Variants in SAMD4B observed in about 807,000 individuals in gnomAD.
SAMD4B encodes the protein sterile alpha motif domain containing 4B.
Under a neutral mutation model 74.5 loss-of-function variants are expected in SAMD4B, and 5 were observed. That is an observed-to-expected ratio of 0.07 (90% CI 0.04 to 0.14). The LOEUF (loss-of-function observed/expected upper bound fraction) is 0.14. Among genes scored for constraint, SAMD4B ranks in the 10% least tolerant of loss-of-function variants. The pLI is 1.00. For missense variants in SAMD4B, 608 were observed against 921.8 expected (o/e 0.66, Z 4.41); for synonymous variants, 373 against 374.9 (o/e 1.00, Z 0.06).
intron 2 of SAMD4B, among the ~76,000 whole-genome samples, chr19:39,354,860 G>A (rs1568346819): frequency 6.6e-6 from 1 of 152,076 alleles, no homozygotes; most frequent in Non-Finnish European, 1.5e-5. Flanking sequence ...AAGATGTTTG[G>A]AATTTGTTTA....
chr19:39,388,622 T>C (rs1198237716), downstream of SAMD4B: 2 of 1,614,020 alleles, frequency 1.2e-6, no homozygotes, highest in African/African-American at 2.7e-5. Flanking sequence ...TCAACGTCTC[T>C]TCTACAGGCA....
At chr19:39,379,397 C>T (rs1042522341) in intron 9 of SAMD4B, among the ~76,000 whole-genome samples, 1 of 152,166 alleles carries the variant, frequency 6.6e-6, no homozygotes, top group Non-Finnish European at 1.5e-5. Flanking sequence ...CCTTTACCAA[C>T]CCCTCATTTT....
chr19:39,382,615 T>C, intron 12 of SAMD4B, among the ~76,000 whole-genome samples: 1 of 151,922 alleles, frequency 6.6e-6, no homozygotes, highest in Admixed American at 6.6e-5. Context: ...TTAAGCAGTG[T>C]AGTGAGGGAG....
In SAMD4B at chr19:39,378,474, A is replaced by G. The variant is rs2077737124; in HGVS notation, c.1445-30A>G. On this transcript the variant is annotated intron_variant, in intron 8 of 13. Coordinates refer to ENST00000610417, the MANE Select transcript of SAMD4B (RefSeq NM_001384574.2). This position sits in a 1 kb window ranked among gnomAD's most constrained non-coding sequence, Gnocchi z 4.4. Reference sequence around the variant, plus strand: ...CATGGCAGAGGGCATACTAGGGGTTAACCTCCTGCCCTTTCTCATGTCCCC... The same window carrying G: ...CATGGCAGAGGGCATACTAGGGGTTGACCTCCTGCCCTTTCTCATGTCCCC... The G allele has an allele frequency of 6.2e-7, 1 of 1,603,562 alleles. No homozygotes were observed. Among genetic ancestry groups the G allele is most frequent in the East Asian group, 2.2e-5 (1 of 44,804 alleles).
chr19:39,383,810 T>TC lies in SAMD4B; in HGVS notation c.*287dup. 8.2e-7 allele frequency: 1 copy of TC among 1,214,872 alleles called. No individual in the cohort carries two copies. 75.3% of individuals were successfully genotyped at this position (1,214,872 alleles called of 1,614,324 possible). On this transcript the variant is annotated 3_prime_UTR_variant, in exon 14 of 14. Coordinates refer to ENST00000610417, the MANE Select transcript of SAMD4B (RefSeq NM_001384574.2). The surrounding 1 kb of genome is among the most constrained non-coding windows in gnomAD (Gnocchi z 4.1). ...CCTGCCTCTCTCCTTTCCTTCCTCA[T>TC]CCCCACCTGGTCCCATCCCACCCCT...
At position 39,385,424 on chromosome 19, in the gene SAMD4B, GC is replaced by G. The variant is rs961551596; in HGVS notation, c.*1903del. The G allele has an allele frequency of 2.4e-5, 10 of 415,398 alleles. No individual in the cohort carries two copies. Among genetic ancestry groups the G allele is most frequent in the South Asian group, 1.9e-4 (2 of 10,496 alleles). The allele number at this position is 415,398 out of a possible 1,614,324, so 25.7% of individuals were successfully genotyped here. ...TCACACACACAGGGAGGCAAGAGCT[GC>G]CCCCCACCCCACCTGACAGCAGAGT... On this transcript the variant is annotated 3_prime_UTR_variant, in exon 14 of 14. Transcript: ENST00000610417.
chr19:39,370,032 G>A lies in SAMD4B; in HGVS notation c.574G>A (p.Asp192Asn). The change falls in exon 4 of 14, where the codon GAC becomes AAC. Residue 192 changes from aspartate to asparagine, a missense_variant. Coordinates refer to ENST00000610417, the MANE Select transcript of SAMD4B (RefSeq NM_001384574.2). ...GPGEAGPGWQ[D>N]KPPRENGHVP... ...TGGGGAGGCAGGGCCAGGCTGGCAG[G>A]ACAAGCCACCCCGGGAAAATGGACA... The A allele has an allele frequency of 1.2e-6, 2 of 1,612,204 alleles. No homozygotes were observed. Among genetic ancestry groups the A allele is most frequent in the Non-Finnish European group, 1.7e-6 (2 of 1,179,194 alleles).
At chr19:39,388,051 G>A (rs2078291554), downstream of SAMD4B, among the ~76,000 whole-genome samples, 1 of 152,190 alleles carries the variant, frequency 6.6e-6, no homozygotes, top group Non-Finnish European at 1.5e-5. Flanking sequence ...TGAGGCAGGA[G>A]AATCACTTGA....
Position 39,381,088 on chromosome 19 carries a change from C to G in SAMD4B, c.1947C>G (p.Pro649=), listed in dbSNP as rs751320893. Residue 649 remains proline (P), a synonymous_variant, in exon 12 of 14, where the codon CCC becomes CCG. Coordinates refer to ENST00000610417, the MANE Select transcript of SAMD4B (RefSeq NM_001384574.2). ...RTHSLPVHSS[P]QAILMFPPDC... ...ACTCGCTCCCGGTCCACTCGTCACCCCAGGCCATTCTCATGTTCCCTCCAG... is the reference window on the plus strand; with the variant it reads ...ACTCGCTCCCGGTCCACTCGTCACCGCAGGCCATTCTCATGTTCCCTCCAG... 2 of 1,612,148 alleles carry G rather than the reference C, an allele frequency of 1.2e-6. No individual in the cohort carries two copies. Among genetic ancestry groups the G allele is most frequent in the Non-Finnish European group, 1.7e-6 (2 of 1,179,646 alleles).
chr19:39,386,504 T>G (rs770761238), downstream of SAMD4B: 1 of 1,614,180 alleles, frequency 6.2e-7, no homozygotes, highest in Non-Finnish European at 8.5e-7. This position sits in a 1 kb window ranked among gnomAD's most constrained non-coding sequence, Gnocchi z 6.1. Context: ...CTTCTTTCTC[T>G]TCTGTCTCCA....
chr19:39,370,341 TTGTTG>T (rs1451973930), intron 4 of SAMD4B, among the ~76,000 whole-genome samples: 3 of 152,346 alleles, frequency 2.0e-5, no homozygotes, highest in South Asian at 4.1e-4. Flanking sequence ...TGGTTTTATT[TTGTTG>T]TGTTGGGTTT....
rs774597687 is a variant in SAMD4B, at chr19:39,370,059, G to T, written c.601G>T (p.Val201Leu). 2 of 1,611,824 alleles carry T rather than the reference G, an allele frequency of 1.2e-6. No individual in the cohort carries two copies. Among genetic ancestry groups the T allele is most frequent in the African/African-American group, 1.3e-5 (1 of 74,982 alleles). The change falls in exon 4 of 14, where the codon GTG (valine) becomes TTG (leucine). Residue 201 changes from valine (V) to leucine (L), a missense_variant. Coordinates refer to ENST00000610417, the MANE Select transcript of SAMD4B (RefSeq NM_001384574.2). ...QDKPPRENGH[V>L]PFHPSSSVPP... ...CAAGCCACCCCGGGAAAATGGACAC[G>T]TGCCCTTCCACCCATCCAGCTCAGT...
At position 39,380,530 on chromosome 19, in the gene SAMD4B, G is replaced by T. The variant is rs1600588198; in HGVS notation, c.1650-57G>T. The T allele has an allele frequency of 8.9e-6, 14 of 1,571,386 alleles. No individual in the cohort carries two copies. The East Asian group carries it at 2.9e-4, about 33-fold the overall frequency. ...GGTTGTTGGGGAAGGTGAGGAAGGG[G>T]TGGACAGATAGGCCCCATCTATGTA... On this transcript the variant is annotated intron_variant, in intron 10 of 13. Coordinates refer to ENST00000610417, the MANE Select transcript of SAMD4B (RefSeq NM_001384574.2).
At chr19:39,351,695 T>A (rs902067379) in intron 1 of SAMD4B, 3 of 152,104 alleles carry the variant, frequency 2.0e-5, no homozygotes, top group African/African-American at 7.2e-5. Context: ...TTGACTTTGC[T>A]GTCATCTGTT....
Position 39,370,079 on chromosome 19 carries a change from C to T in SAMD4B, c.621C>T (p.Ser207=), listed in dbSNP as rs1179945332. 1.9e-6 allele frequency: 3 copies of T among 1,608,592 alleles called. No individual in the cohort carries two copies. Among genetic ancestry groups the T allele is most frequent in the East Asian group, 2.2e-5 (1 of 44,504 alleles). The part of the protein sequence containing the change: ...ENGHVPFHPS[S]SVPPAINSIG... The stretch of plus-strand genomic sequence containing the variant: ...GACACGTGCCCTTCCACCCATCCAG[C>T]TCAGTGCCGCCAGCCATCAACAGTA... The change falls in exon 4 of 14, where the codon AGC becomes AGT. Residue 207 remains serine (S), a synonymous_variant. Transcript: ENST00000610417.
At chr19:39,369,425 G>A in intron 3 of SAMD4B, 1 of 550,118 alleles carries the variant, frequency 1.8e-6, no homozygotes, top group South Asian at 2.1e-5. Flanking sequence ...TGCAGCCTGG[G>A]CAACATAGTG....
chr19:39,383,366 T>A lies in SAMD4B; in HGVS notation c.2056+75T>A. ...TGCCTCTGAACTGAGCAACTCAGAG[T>A]CATCCTGAGGGGTCCCCAGGGGAGG... On this transcript the variant is annotated intron_variant, in intron 13 of 13. Coordinates refer to ENST00000610417, the MANE Select transcript of SAMD4B (RefSeq NM_001384574.2). This position sits in a 1 kb window ranked among gnomAD's most constrained non-coding sequence, Gnocchi z 4.1. 1 of 1,576,774 alleles carries A rather than the reference T, an allele frequency of 6.3e-7. No individual in the cohort carries two copies.
chr19:39,390,707 A>C (rs921670258), downstream of SAMD4B: 1 of 1,169,682 alleles, frequency 8.5e-7, no homozygotes, highest in African/African-American at 1.5e-5. Context: ...CCCTTCGTCA[A>C]AGGTGAGCGC....
At chr19:39,388,263 C>T, downstream of SAMD4B, 1 of 1,480,792 alleles carries the variant, frequency 6.8e-7, no homozygotes, top group Non-Finnish European at 9.4e-7. Context: ...CAAATGACCT[C>T]CAAGGTGGCT....
Sources: gnomAD v4.1 joint callset for allele counts (sites outside exome capture counted in the v4.1 genomes callset) on GRCh38, gnomAD v4.1.1 for gene constraint, Gnocchi (gnomAD v3.1) non-coding constraint, MANE v1.5 for transcripts, NCBI Gene and HGNC (gene_info 2026-07-23, HGNC 2026-07-21) for gene names.